KLHL8: variants seen among roughly 807,000 people sequenced by gnomAD.
KLHL8 encodes kelch like family member 8, also known as kelch-like protein 8.
A neutral mutation model predicts 63.5 loss-of-function variants in KLHL8; 38 were observed. That is an observed-to-expected ratio of 0.60 (90% CI 0.46 to 0.78). The LOEUF is 0.78. Among genes scored for constraint, KLHL8 ranks in the 30% least tolerant of loss-of-function variants. KLHL8 has a pLI of 0.00. For missense variants in KLHL8, 566 were observed against 752.4 expected (o/e 0.75, Z 2.90); for synonymous variants, 224 against 254.3 (o/e 0.88, Z 1.13).
chr4:87,191,767 TCCTTCCCC>T (rs1472472509), intron 2 of KLHL8, among the ~76,000 whole-genome samples: 31 of 150,536 alleles, frequency 2.1e-4, no homozygotes, highest in Middle Eastern at 3.4e-3. Flanking sequence ...CCGCCTTCCC[TCCTTCCCC>T]CATATTGTAT....
chr4:87,165,114 C>T (rs1025966633), intron 8 of KLHL8, among the ~76,000 whole-genome samples: 7 of 135,820 alleles, frequency 5.2e-5, no homozygotes, highest in Non-Finnish European at 1.5e-5. Context: ...TGTGCCACTG[C>T]ACTCCAGCCT....
intron 4 of KLHL8, among the ~76,000 whole-genome samples, chr4:87,182,582 G>A (rs1205916205): frequency 6.6e-6 from 1 of 151,942 alleles, no homozygotes; most frequent in Non-Finnish European, 1.5e-5. Flanking sequence ...TTATTAAAAA[G>A]TGATACTTCT....
At chr4:87,200,981 A>T (rs899558219) in intron 1 of KLHL8, among the ~76,000 whole-genome samples, 3 of 152,236 alleles carry the variant, frequency 2.0e-5, no homozygotes, top group Non-Finnish European at 4.4e-5. Flanking sequence ...AAATCCTGTC[A>T]TATGCTACAA....
chr4:87,213,304 G>C (rs1340250139), intron 1 of KLHL8, among the ~76,000 whole-genome samples: 2 of 152,206 alleles, frequency 1.3e-5, no homozygotes, highest in Non-Finnish European at 2.9e-5. Context: ...GAGAATGTCA[G>C]AGAAGTGACA....
chr4:87,214,459 T>TATATAA (rs1191224013), intron 1 of KLHL8, among the ~76,000 whole-genome samples: 5 of 129,056 alleles, frequency 3.9e-5, no homozygotes, highest in Admixed American at 8.1e-5. Flanking sequence ...TATATATATA[T>TATATAA]AATTGTCATC....
At chr4:87,217,639 C>G (rs1049674718) in intron 1 of KLHL8, among the ~76,000 whole-genome samples, 4 of 150,710 alleles carry the variant, frequency 2.7e-5, no homozygotes, top group African/African-American at 9.7e-5. Context: ...AGCCACCGAG[C>G]CTGGCCTCTT....
At position 87,171,774 on chromosome 4, in the gene KLHL8, C is replaced by T. The variant is rs891672269; in HGVS notation, c.1209-1159G>A. ...TACGTCTCTGGCTAGTGCTTTTCAG[C>T]TTCATCAGTGCCTTCTTTACTCCAT... On this transcript the variant is annotated intron_variant, in intron 6 of 9. Transcript: ENST00000273963. Among the ~76,000 whole-genome samples the T allele has an allele frequency of 2.0e-5, 3 of 152,318 alleles. No individual in the cohort carries two copies. The East Asian group carries it at 5.8e-4, about 29-fold the overall frequency.
At chr4:87,164,992 C>CA (rs879734711) in intron 8 of KLHL8, among the ~76,000 whole-genome samples, 6 of 151,052 alleles carry the variant, frequency 4.0e-5, no homozygotes, top group Admixed American at 6.6e-5. Context: ...ACTAAAAATA[C>CA]AAAAAAATTA....
intron 1 of KLHL8, chr4:87,207,550 T>G (rs1732182093): frequency 9.1e-7 from 1 of 1,094,462 alleles, no homozygotes; most frequent in Non-Finnish European, 1.4e-6. Context: ...CACCACCAAC[T>G]GCTTAGCGCC....
chr4:87,234,620 A>G (rs995043905), intron 1 of KLHL8, among the ~76,000 whole-genome samples: 1 of 152,238 alleles, frequency 6.6e-6, no homozygotes, highest in African/African-American at 2.4e-5. Context: ...TGTATATTCT[A>G]TAATACTTGA....
intron 1 of KLHL8, among the ~76,000 whole-genome samples, chr4:87,228,753 G>A (rs1313664510): frequency 6.6e-6 from 1 of 152,152 alleles, no homozygotes; most frequent in Admixed American, 6.5e-5. Context: ...AATCAGACAG[G>A]GTATGTGAAT....
Position 87,195,468 on chromosome 4 carries a change from GTGC to G in KLHL8, c.69_71del (p.Gln23del). 6.2e-7 allele frequency: 1 copy of G among 1,613,856 alleles called. No homozygotes were observed. Among genetic ancestry groups the G allele is most frequent in the Non-Finnish European group, 8.5e-7 (1 of 1,179,920 alleles). ...TTGAGGATCTGTTCTTTATTTGCTG[GTGC>G]TGTTGTTGCCTTTTCCCCTTTGTAA... On this transcript the variant is annotated inframe_deletion, in exon 2 of 10. Transcript: ENST00000273963.
rs1479757903 is a variant in KLHL8 at position 87,160,702 on chromosome 4, T to C, written c.*2817A>G. 6.6e-6 allele frequency: 1 copy of C among 152,206 alleles called. No homozygotes were observed. The highest frequency in any genetic ancestry group is 2.4e-5 in the African/African-American group (1 of 41,446). 9.4% of individuals were successfully genotyped at this position (152,206 alleles called of 1,614,324 possible). A position where few individuals can be genotyped will look rare whatever the true frequency, so the allele number is the denominator to read the frequency against. On this transcript the variant is annotated 3_prime_UTR_variant, in exon 10 of 10. Transcript: ENST00000273963. ...GTGGCAACGCAATATAGTAAAGCAA[T>C]GGCTTTAATGACTAAATGAAAGAAT...
chr4:87,183,051 T>C, intron 4 of KLHL8, 152 bp downstream of exon 4: 3 of 511,844 alleles, frequency 5.9e-6, no homozygotes, highest in Non-Finnish European at 9.8e-6. Flanking sequence ...TAATGTACAG[T>C]AAAAATTATA....
intron 6 of KLHL8, among the ~76,000 whole-genome samples, chr4:87,176,291 T>G (rs1215675093): frequency 6.6e-6 from 1 of 152,202 alleles, no homozygotes; most frequent in Non-Finnish European, 1.5e-5. Flanking sequence ...CTGTGCATTA[T>G]AGAATCTTTA....
intron 2 of KLHL8, 42 bp from the exon 3 acceptor site, chr4:87,185,841 A>G (rs748760912): frequency 6.8e-7 from 1 of 1,477,014 alleles, no homozygotes; most frequent in Admixed American, 2.4e-5. Context: ...TAATATCAAA[A>G]TCAGCTTCAG....
intron 2 of KLHL8, among the ~76,000 whole-genome samples, chr4:87,190,489 C>G (rs900422276): frequency 6.6e-6 from 1 of 151,864 alleles, no homozygotes; most frequent in African/African-American, 2.4e-5. Flanking sequence ...TATAAAAATA[C>G]AAAAATTAGC....
intron 1 of KLHL8, among the ~76,000 whole-genome samples, chr4:87,226,585 A>C (rs35593684): frequency 0.44 from 36,234 of 82,084 alleles, 9,303 homozygotes; most frequent in Admixed American, 0.52. Flanking sequence ...CTCTCTCTCT[A>C]TATATATAAA....
chr4:87,193,357 G>A (rs145093136), intron 2 of KLHL8, among the ~76,000 whole-genome samples: 72 of 152,048 alleles, frequency 4.7e-4, no homozygotes, highest in African/African-American at 1.7e-3. Context: ...ACTGTCTTCC[G>A]CCTCCAGATC....
Sources: gnomAD v4.1 joint callset for allele counts (sites outside exome capture counted in the v4.1 genomes callset) on GRCh38, gnomAD v4.1.1 for gene constraint, MANE v1.5 for transcripts, NCBI Gene and HGNC (gene_info 2026-07-23, HGNC 2026-07-21) for gene names.